Variants in POLD1 observed in about 807,000 individuals in gnomAD.
The protein encoded by POLD1 is DNA polymerase delta catalytic subunit.
In POLD1, 79 loss-of-function variants were observed where a neutral mutation model predicts 129.7. The ratio of observed to expected loss-of-function variants is 0.61; its 90% CI spans 0.51 to 0.73. The LOEUF (loss-of-function observed/expected upper bound fraction) is 0.73. Ranked by LOEUF, POLD1 falls within the 30% of genes least tolerant of loss-of-function variation. POLD1 has a pLI of 0.00. For synonymous variants in POLD1, 714 were observed against 683.3 expected (o/e 1.04, Z -0.70); for missense variants, 1,338 against 1,595.8 (o/e 0.84, Z 2.75).
chr19:50,401,931 G>GT lies in POLD1; in HGVS notation c.463+7_463+8insT, dbSNP rs754850382. On this transcript the variant is annotated splice_region_variant and intron_variant, in intron 4 of 26. Transcript: ENST00000440232. ...TACACCCCAGCGCCCCCTGGTGAGT[G>GT]GCCCCTACCCAGCCCCTCCCTGAGC... is the stretch of plus-strand genomic sequence containing the variant. 2.5e-6 allele frequency: 4 copies of GT among 1,613,930 alleles called. No homozygotes were observed. The highest frequency in any genetic ancestry group is 1.6e-4 in the Middle Eastern group (1 of 6,082).
rs948005571 is a variant in POLD1 at position 50,389,938 on chromosome 19, C to G, written c.-2+5548C>G. 2.1e-5 allele frequency among the ~76,000 whole-genome samples: 3 copies of G among 141,740 alleles called. No homozygotes were observed. The Admixed American group carries it at 2.2e-4, about 10-fold the overall frequency. 93.0% of individuals were successfully genotyped at this position (141,740 alleles called of 152,430 possible). On this transcript the variant is annotated intron_variant, in intron 1 of 26. Transcript: ENST00000440232. ...TTTTTTTTTCTTTTTTGAAACAGAG[C>G]CTCATTGTCACCCAGGCTGGAGTGC...
In POLD1 at chr19:50,398,847, G is replaced by C. The variant is rs758020735; in HGVS notation, c.-1-4G>C. ...CCTCCACCAAGCTCCAACTTGCCCA[G>C]CAGGATGGATGGCAAGCGGCGGCCA... On this transcript the variant is annotated splice_polypyrimidine_tract_variant and splice_region_variant and intron_variant, in intron 1 of 26. Transcript: ENST00000440232. 7 of 1,607,968 alleles carry C rather than the reference G, an allele frequency of 4.4e-6. No homozygotes were observed. The African/African-American group carries it at 9.4e-5, about 21-fold the overall frequency.
rs2463239 is a variant in POLD1 at position 50,417,279 on chromosome 19, A to T, written c.3218+10A>T. The T allele has an allele frequency of 6.4e-7, 1 of 1,568,806 alleles. No individual in the cohort carries two copies. The highest frequency in any genetic ancestry group is 8.6e-7 in the Non-Finnish European group (1 of 1,157,812). ...ACGTCATCTGCACCAGGTGTGTGCC[A>T]TGTCCCGACCCTGGGCTGCCCCGCC... On this transcript the variant is annotated intron_variant, in intron 26 of 26. Transcript: ENST00000440232.
chr19:50,414,240 C>T (rs2122457250), intron 19 of POLD1, among the ~76,000 whole-genome samples: 1 of 152,372 alleles, frequency 6.6e-6, no homozygotes, highest in Non-Finnish European at 1.5e-5. Context: ...CACTTGGTCC[C>T]AGGAAACCTT....
chr19:50,408,648 G>A, intron 14 of POLD1, 137 bp from the exon 15 acceptor site: 2 of 1,327,148 alleles, frequency 1.5e-6, no homozygotes, highest in South Asian at 1.4e-5. Context: ...CTCCCAATGT[G>A]CTGGGATTGC....
At position 50,406,103 on chromosome 19, in the gene POLD1, G is replaced by A. The variant is rs2122312939; in HGVS notation, c.1243-79G>A. 6.5e-7 allele frequency: 1 copy of A among 1,527,958 alleles called. No homozygotes were observed. Among genetic ancestry groups the A allele is most frequent in the Non-Finnish European group, 8.9e-7 (1 of 1,119,546 alleles). The allele number at this position is 1,527,958 out of a possible 1,614,324, so 94.7% of individuals were successfully genotyped here. On this transcript the variant is annotated intron_variant, in intron 10 of 26. Coordinates refer to ENST00000440232, the MANE Select transcript of POLD1 (RefSeq NM_002691.4). The surrounding 1 kb of genome is among the most constrained non-coding windows in gnomAD (Gnocchi z 5.5). ...CCTAGGGTTGTTATAAGGATGTTGT[G>A]GTTGGTCTCAATCTCCGTTCTTCAG...
rs746667098 is a variant in POLD1 at position 50,414,937 on chromosome 19, C to T, written c.2511C>T (p.Cys837=). 4.4e-6 allele frequency: 7 copies of T among 1,608,774 alleles called. No individual in the cohort carries two copies. The Admixed American group carries it at 1.0e-4, about 23-fold the overall frequency. Residue 837 remains cysteine (C), a synonymous_variant, in exon 20 of 27, where the codon TGC becomes TGT. Coordinates refer to ENST00000440232, the MANE Select transcript of POLD1 (RefSeq NM_002691.4). The part of the protein sequence containing the change: ...KGLEAVRRDN[C]PLVANLVTAS... The stretch of plus-strand genomic sequence containing the variant: ...TGGAGGCCGTGCGCAGGGACAACTG[C>T]CCCCTCGTGGCCAACCTGGTCACTG...
intron 3 of POLD1, among the ~76,000 whole-genome samples, chr19:50,401,379 AT>A (rs1568617850): frequency 1.8e-5 from 1 of 55,076 alleles, no homozygotes; most frequent in African/African-American, 8.4e-5. Flanking sequence ...ATATATATAT[AT>A]ATATATATAT....
rs541753103 is a variant in POLD1, at chr19:50,403,555, C to T, written c.1200C>T (p.Asn400=). 13 of 1,614,046 alleles carry T rather than the reference C, an allele frequency of 8.1e-6. No individual in the cohort carries two copies. The highest frequency in any genetic ancestry group is 7.7e-5 in the South Asian group (7 of 91,082). The part of the protein sequence containing the change: ...PDVITGYNIQ[N]FDLPYLISRA... ...TGATCACCGGTTACAACATCCAGAA[C>T]TTCGACCTTCCGTACCTCATCTCTC... The change falls in exon 10 of 27, where the codon AAC becomes AAT. Residue 400 remains asparagine, a synonymous_variant. Transcript: ENST00000440232.
intron 1 of POLD1, among the ~76,000 whole-genome samples, chr19:50,397,165 A>G (rs924692644): frequency 6.8e-5 from 10 of 146,142 alleles, no homozygotes; most frequent in East Asian, 2.2e-4. Flanking sequence ...TTGGGAGGCC[A>G]AGGCAGGTGG....
intron 1 of POLD1, among the ~76,000 whole-genome samples, chr19:50,386,921 G>A (rs939196569): frequency 2.6e-5 from 4 of 152,234 alleles, no homozygotes; most frequent in Non-Finnish European, 5.9e-5. Flanking sequence ...GGCCGGGCGC[G>A]GTGGCTAAGG....
At chr19:50,390,204 TG>T (rs2038108598) in intron 1 of POLD1, among the ~76,000 whole-genome samples, 1 of 151,808 alleles carries the variant, frequency 6.6e-6, no homozygotes. Context: ...CCACTGCGCC[TG>T]GCCAATAATT....
intron 1 of POLD1, among the ~76,000 whole-genome samples, chr19:50,387,971 A>G (rs962924575): frequency 6.6e-6 from 1 of 152,238 alleles, no homozygotes; most frequent in East Asian, 1.9e-4. Context: ...TGTTCTAGCC[A>G]TACAGCGGAA....
In POLD1 at chr19:50,406,087, G is replaced by A; in HGVS notation, c.1243-95G>A. Reference sequence around the variant, plus strand: ...GGGTTGCTCTCGACCCCCTAGGGTTGTTATAAGGATGTTGTGGTTGGTCTC... The same window carrying A: ...GGGTTGCTCTCGACCCCCTAGGGTTATTATAAGGATGTTGTGGTTGGTCTC... On this transcript the variant is annotated intron_variant, in intron 10 of 26. Transcript: ENST00000440232. This position sits in a 1 kb window ranked among gnomAD's most constrained non-coding sequence, Gnocchi z 5.5. 6.8e-7 allele frequency: 1 copy of A among 1,476,448 alleles called. No homozygotes were observed. Among genetic ancestry groups the A allele is most frequent in the Admixed American group, 1.8e-5 (1 of 56,264 alleles). 91.5% of individuals were successfully genotyped at this position (1,476,448 alleles called of 1,614,324 possible). A position where few individuals can be genotyped will look rare whatever the true frequency, so the allele number is the denominator to read the frequency against.
rs1555791790 is a variant in POLD1 at position 50,408,850 on chromosome 19, A to G, written c.1841A>G (p.His614Arg). 1 of 1,614,066 alleles carries G rather than the reference A, an allele frequency of 6.2e-7. No individual in the cohort carries two copies. Among genetic ancestry groups the G allele is most frequent in the African/African-American group, 1.3e-5 (1 of 75,046 alleles). The change falls in exon 15 of 27, where the codon CAC (histidine) becomes CGC (arginine). Residue 614 changes from histidine to arginine, a missense_variant. His to Arg is a conservative substitution (Grantham distance 29). Around this residue, in one of 3 missense-constraint regions of POLD1, gnomAD observed 720 missense variants for 1,002.6 expected, o/e 0.72. Transcript: ENST00000440232. ...SSLYPSIMMAHNLCYTTLLRP... is the reference protein window; with the variant it reads ...SSLYPSIMMARNLCYTTLLRP... ...CTGTACCCGTCCATCATGATGGCCC[A>G]CAACCTGTGTTACACCACGCTCCTT...
chr19:50,395,655 T>C (rs1216062182), intron 1 of POLD1, among the ~76,000 whole-genome samples: 1 of 152,066 alleles, frequency 6.6e-6, no homozygotes, highest in Non-Finnish European at 1.5e-5. Flanking sequence ...CAACATTCTG[T>C]CCTATTTATG....
rs185535756 is a variant in POLD1, at chr19:50,399,450, C to A, written c.282C>A (p.Leu94=). 2.5e-6 allele frequency: 4 copies of A among 1,614,020 alleles called. No individual in the cohort carries two copies. The Admixed American group carries it at 6.7e-5, about 27-fold the overall frequency. ...PPALDPQTEP[L]IFQQLEIDHY... is the part of the protein sequence containing the mutation. ...CGCTGGACCCCCAGACAGAGCCCCTCATCTTCCAACAGTTGGAGATTGACC... is the reference window on the plus strand; with the variant it reads ...CGCTGGACCCCCAGACAGAGCCCCTAATCTTCCAACAGTTGGAGATTGACC... The change falls in exon 3 of 27, where the codon CTC becomes CTA. Residue 94 remains leucine, a synonymous_variant. Coordinates refer to ENST00000440232, the MANE Select transcript of POLD1 (RefSeq NM_002691.4).
Position 50,415,720 on chromosome 19 carries a change from G to A in POLD1, c.2718-4G>A, listed in dbSNP as rs755348897. On this transcript the variant is annotated splice_region_variant and splice_polypyrimidine_tract_variant and intron_variant, in intron 21 of 26. Transcript: ENST00000440232. ...CACCCACCCGCCACCCCATCTCCAC[G>A]CAGGATGAGGAAGCGGGACCCCGGG... The A allele has an allele frequency of 3.8e-5, 44 of 1,162,326 alleles. No homozygotes were observed. In the Admixed American group the frequency reaches 9.7e-4, roughly 26 times the overall value. The allele number at this position is 1,162,326 out of a possible 1,614,324, so 72.0% of individuals were successfully genotyped here.
At position 50,403,586 on chromosome 19, in the gene POLD1, C is replaced by G; in HGVS notation, c.1231C>G (p.Gln411Glu). The G allele has an allele frequency of 6.2e-7, 1 of 1,611,448 alleles. No individual in the cohort carries two copies. The stretch of plus-strand genomic sequence containing the variant: ...CCTTCCGTACCTCATCTCTCGGGCC[C>G]AGACCCTCAAGGTGAGGGCTGGGCA... The part of the protein sequence containing the change: ...FDLPYLISRA[Q>E]TLKVQTFPFL... The change falls in exon 10 of 27, where the codon CAG (glutamine) becomes GAG (glutamate). Residue 411 changes from glutamine (Q) to glutamate (E), a missense_variant. By Grantham distance (29) the Gln-to-Glu change is conservative (BLOSUM62 2). Coordinates refer to ENST00000440232, the MANE Select transcript of POLD1 (RefSeq NM_002691.4).
Sources: allele counts gnomAD v4.1 joint callset (sites outside exome capture counted in the v4.1 genomes callset), GRCh38; gene constraint gnomAD v4.1.1; regional missense constraint gnomAD v4.1.1; non-coding constraint Gnocchi (gnomAD v3.1); transcripts MANE v1.5; gene names NCBI Gene and HGNC (gene_info 2026-07-23, HGNC 2026-07-21).